Variants in EP400 observed in about 807,000 individuals in gnomAD.
The protein encoded by EP400 is E1A-binding protein p400.
Under a neutral mutation model 354.1 loss-of-function variants are expected in EP400, and 105 were observed. The observed-to-expected ratio is 0.30, with a 90% CI of 0.25 to 0.35. The LOEUF (loss-of-function observed/expected upper bound fraction) is 0.35, where lower values mean the gene tolerates loss of function less well. Among genes scored for constraint, EP400 ranks in the 10% least tolerant of loss-of-function variants. The probability of loss-of-function intolerance (pLI) is 1.00; values close to 1 mark genes in which losing one functional copy is unlikely to be tolerated. For missense variants in EP400, 3,280 were observed against 4,121.0 expected, an observed-to-expected ratio of 0.80 and a Z score of 5.59; for synonymous variants, 1,646 against 1,716.9, an observed-to-expected ratio of 0.96 and a Z score of 1.02.
Position 132,053,523 on chromosome 12 carries a change from A to T in EP400, c.7654A>T (p.Thr2552Ser). 1 of 1,545,702 alleles carries T rather than the reference A, an allele frequency of 6.5e-7. No individual in the cohort carries two copies. The change falls in exon 43 of 53, where the codon ACC becomes TCC. Residue 2552 changes from threonine (T) to serine (S), a missense_variant. Thr to Ser is a moderately conservative substitution (Grantham distance 58, BLOSUM62 1). Coordinates refer to ENST00000389561, the MANE Select transcript of EP400 (RefSeq NM_015409.5). Reference protein sequence around the residue: ...VQPQPQPQPQTQPQPVQAPAK... With the variant: ...VQPQPQPQPQSQPQPVQAPAK... Reference sequence around the variant, plus strand: ...GCCCCAACCCCAGCCACAGCCCCAGACCCAGCCACAGCCTGTGCAGGCCCC... The same window carrying T: ...GCCCCAACCCCAGCCACAGCCCCAGTCCCAGCCACAGCCTGTGCAGGCCCC...
Position 132,063,800 on chromosome 12 carries a change from G to A in EP400, c.8335-868G>A, listed in dbSNP as rs11246910. Reference sequence around the variant, plus strand: ...CCTGTCACACCAGCCATCCCTCGAGGGCTGCATGGCCATATGTGGCTGTGG... The same window carrying A: ...CCTGTCACACCAGCCATCCCTCGAGAGCTGCATGGCCATATGTGGCTGTGG... On this transcript the variant is annotated intron_variant, in intron 47 of 52. Transcript: ENST00000389561. 9.5e-3 allele frequency among the ~76,000 whole-genome samples: 1,452 copies of A among 152,250 alleles called. 17 individuals carry two copies. The highest frequency in any genetic ancestry group is 0.034 in the African/African-American group (1,396 of 41,542).
At chr12:131,975,118 G>A (rs552377531) in intron 2 of EP400, among the ~76,000 whole-genome samples, 2 of 152,056 alleles carry the variant, frequency 1.3e-5, no homozygotes, top group African/African-American at 4.8e-5. Context: ...GAGTTCCTGT[G>A]TCTTCTGCAG....
chr12:132,018,134 A>G lies in EP400; in HGVS notation c.4111-76A>G. 6.3e-7 allele frequency: 1 copy of G among 1,581,136 alleles called. No individual in the cohort carries two copies. Among genetic ancestry groups the G allele is most frequent in the Non-Finnish European group, 8.6e-7 (1 of 1,166,232 alleles). On this transcript the variant is annotated intron_variant, in intron 20 of 52. Transcript: ENST00000389561. This position sits in a 1 kb window ranked among gnomAD's most constrained non-coding sequence, Gnocchi z 4.0. ...TGGATGCCCACGTTAGGGCCCTGCC[A>G]TAGAAATCAGTTTTGATTCTTAGGT...
rs1392801680 is a variant in EP400 at position 132,032,081 on chromosome 12, A to G, written c.5883A>G (p.Pro1961=). 3 of 1,614,202 alleles carry G rather than the reference A, an allele frequency of 1.9e-6. No homozygotes were observed. The highest frequency in any genetic ancestry group is 2.5e-6 in the Non-Finnish European group (3 of 1,180,014). ...TGTTTTATGACAATGACCTGAATCCAGTGATGGATGCCAAAGCTCAGGAGT... is the reference window on the plus strand; with the variant it reads ...TGTTTTATGACAATGACCTGAATCCGGTGATGGATGCCAAAGCTCAGGAGT... ...TVVFYDNDLN[P]VMDAKAQEWC... The change falls in exon 30 of 53, where the codon CCA becomes CCG. Residue 1961 remains proline (P), a synonymous_variant. Transcript: ENST00000389561.
chr12:132,066,583 G>A (rs1397773850), intron 48 of EP400, 191 bp from the exon 49 acceptor site: 6 of 586,064 alleles, frequency 1.0e-5, no homozygotes, highest in South Asian at 9.7e-5. Flanking sequence ...CTTCAGAAGC[G>A]CGGGCTGACC....
intron 30 of EP400, 59 bp from the exon 31 acceptor site, chr12:132,037,623 A>C: frequency 7.4e-7 from 1 of 1,356,368 alleles, no homozygotes; most frequent in Non-Finnish European, 1.1e-6. Flanking sequence ...TGCTGTGCCC[A>C]CCTGTTGTCA....
rs1397514193 is a variant in EP400, at chr12:131,992,298, C to T, written c.2737+68C>T. On this transcript the variant is annotated intron_variant, in intron 11 of 52. Coordinates refer to ENST00000389561, the MANE Select transcript of EP400 (RefSeq NM_015409.5). ...CTGATGAGATGACACAGAGCTGCAG[C>T]GACTTGGGGTTTAGTCTTGTCATCT... 1.4e-5 allele frequency: 20 copies of T among 1,440,198 alleles called. No homozygotes were observed. In the East Asian group the frequency reaches 2.7e-4, roughly 20 times the overall value. The allele number at this position is 1,440,198 out of a possible 1,614,324, so 89.2% of individuals were successfully genotyped here.
rs750427503 is a variant in EP400, at chr12:131,982,248, C to G, written c.1699C>G (p.Pro567Ala). 1.2e-6 allele frequency: 2 copies of G among 1,614,140 alleles called. No individual in the cohort carries two copies. Among genetic ancestry groups the G allele is most frequent in the South Asian group, 1.1e-5 (1 of 91,078 alleles). ...CGGGAGGCTGCCCCCAGCCGGTGTT[C>G]CCACTGCAGCCCTCTCCTCTGCGCT... is the stretch of plus-strand genomic sequence containing the variant. Reference protein sequence around the residue: ...LPGRLPPAGVPTAALSSALQF... With the variant: ...LPGRLPPAGVATAALSSALQF... Residue 567 changes from proline (P) to alanine (A), a missense_variant, in exon 5 of 53, where the codon CCC (proline) becomes GCC (alanine). Pro to Ala is a conservative substitution (Grantham distance 27). Transcript: ENST00000389561.
chr12:132,072,470 A>G (rs1294466669), intron 51 of EP400, among the ~76,000 whole-genome samples: 1 of 152,186 alleles, frequency 6.6e-6, no homozygotes, highest in Non-Finnish European at 1.5e-5. Context: ...GAGGTTTTCC[A>G]GTTACTTTTT....
At position 132,062,329 on chromosome 12, in the gene EP400, G is replaced by C; in HGVS notation, c.8098+6G>C. The C allele has an allele frequency of 1.2e-6, 2 of 1,613,970 alleles. No individual in the cohort carries two copies. The highest frequency in any genetic ancestry group is 1.7e-6 in the Non-Finnish European group (2 of 1,179,816). ...GGTGCCCCAAGTGTCCCAAGGTAAA[G>C]CCAGGCTGGGAGCTTTCTCTGCCAC... On this transcript the variant is annotated splice_donor_region_variant and intron_variant, in intron 46 of 52. Transcript: ENST00000389561.
chr12:132,076,561 A>G lies in EP400; in HGVS notation c.9067A>G (p.Ser3023Gly). 1 of 1,613,116 alleles carries G rather than the reference A, an allele frequency of 6.2e-7. No individual in the cohort carries two copies. The highest frequency in any genetic ancestry group is 8.5e-7 in the Non-Finnish European group (1 of 1,179,106). ...TGTTCAACAGCAAACACCCGTGGCC[A>G]GCATCCAGCAAGTTGCCTCTGCTTC... ...QVVQQQTPVA[S>G]IQQVASASQQ... The change falls in exon 52 of 53, where the codon AGC (serine) becomes GGC (glycine). Residue 3023 changes from serine (S) to glycine (G), a missense_variant. Ser to Gly is a moderately conservative substitution (Grantham distance 56). Around this residue, in one of 20 missense-constraint regions of EP400, gnomAD observed 279 missense variants for 386.7 expected, o/e 0.72. Transcript: ENST00000389561.
intron 2 of EP400, among the ~76,000 whole-genome samples, chr12:131,972,230 G>A (rs908712322): frequency 2.7e-5 from 4 of 150,312 alleles, no homozygotes; most frequent in East Asian, 3.9e-4. Flanking sequence ...TCGGTTCACC[G>A]CAAGCTCCGC....
chr12:132,069,671 T>C (rs1896011670), intron 51 of EP400, 30 bp downstream of exon 51: 1 of 1,610,844 alleles, frequency 6.2e-7, no homozygotes, highest in Non-Finnish European at 8.5e-7. Flanking sequence ...AGGGCCCGAG[T>C]GTCAGGAGTG....
intron 7 of EP400, 114 bp downstream of exon 7, chr12:131,988,004 T>C (rs1892909819): frequency 1.1e-6 from 1 of 949,110 alleles, no homozygotes; most frequent in African/African-American, 1.9e-5. Context: ...TTTTTTTTTT[T>C]TTTTCCCCCA....
At chr12:131,952,406 C>G (rs1394208534) in intron 1 of EP400, among the ~76,000 whole-genome samples, 1 of 152,004 alleles carries the variant, frequency 6.6e-6, no homozygotes, top group African/African-American at 2.4e-5. Context: ...TTCGGCCTCC[C>G]AAAGTGCTGG....
At position 132,045,728 on chromosome 12, in the gene EP400, C is replaced by G. The variant is rs1351070705; in HGVS notation, c.7028C>G (p.Ala2343Gly). ...TTTACCTGAAATCTCCTTCTCTAGG[C>G]TGTAAAGCAGTTACTGGAGCTGCCT... ...LISEDWALLQ[A>G]VKQLLELPLN... The change falls in exon 39 of 53, where the codon GCT becomes GGT. Residue 2343 changes from alanine to glycine, a missense_variant and splice_region_variant. Coordinates refer to ENST00000389561, the MANE Select transcript of EP400 (RefSeq NM_015409.5). 1 of 1,614,170 alleles carries G rather than the reference C, an allele frequency of 6.2e-7. No individual in the cohort carries two copies.
Position 132,045,563 on chromosome 12 carries a change from A to G in EP400, c.7026+3A>G. On this transcript the variant is annotated splice_donor_region_variant and intron_variant, in intron 38 of 52. Coordinates refer to ENST00000389561, the MANE Select transcript of EP400 (RefSeq NM_015409.5). The stretch of plus-strand genomic sequence containing the variant: ...GTGAGGACTGGGCGCTGCTGCAGGT[A>G]GGTGGGCGTGGTCTTTGTGCCAGCG... The G allele has an allele frequency of 1.2e-6, 2 of 1,613,734 alleles. No individual in the cohort carries two copies. The highest frequency in any genetic ancestry group is 1.7e-6 in the Non-Finnish European group (2 of 1,179,674).
At chr12:132,003,776 C>T (rs533094505) in intron 12 of EP400, among the ~76,000 whole-genome samples, 126 of 152,314 alleles carry the variant, frequency 8.3e-4, no homozygotes, top group East Asian at 7.3e-3. Flanking sequence ...CCAACACTTA[C>T]TTTCACTGGG....
At chr12:132,076,979 T>G (rs1172490560) in intron 52 of EP400, among the ~76,000 whole-genome samples, 1 of 152,274 alleles carries the variant, frequency 6.6e-6, no homozygotes, top group African/African-American at 2.4e-5. Flanking sequence ...CAGAAGCCCT[T>G]CAGGCGCTTT....
Sources: allele counts gnomAD v4.1 joint callset (sites outside exome capture counted in the v4.1 genomes callset), GRCh38; gene constraint gnomAD v4.1.1; regional missense constraint gnomAD v4.1.1; non-coding constraint Gnocchi (gnomAD v3.1); transcripts MANE v1.5; gene names NCBI Gene and HGNC (gene_info 2026-07-23, HGNC 2026-07-21).